Variants in MYO1D observed in about 807,000 individuals in gnomAD.
MYO1D encodes the protein myosin ID, also known as unconventional myosin-Id.
MYO1D carries 83 observed loss-of-function variants against 122.0 expected under a neutral mutation model. The observed-to-expected ratio is 0.68, with a 90% CI of 0.57 to 0.82. MYO1D has a LOEUF of 0.82. Ranked by LOEUF, MYO1D falls within the 40% of genes least tolerant of loss-of-function variation. MYO1D has a pLI of 0.00. For missense variants in MYO1D, 1,157 were observed against 1,269.5 expected (o/e 0.91, Z 1.35); for synonymous variants, 464 against 446.9 (o/e 1.04, Z -0.48).
At chr17:32,581,415 T>C (rs1480787212) in intron 21 of MYO1D, among the ~76,000 whole-genome samples, 2 of 152,094 alleles carry the variant, frequency 1.3e-5, no homozygotes, top group African/African-American at 2.4e-5. Context: ...ATTTCATTGG[T>C]TTCTGTTCTG....
At chr17:32,648,532 C>G (rs1205991303) in intron 19 of MYO1D, among the ~76,000 whole-genome samples, 3 of 152,148 alleles carry the variant, frequency 2.0e-5, no homozygotes, top group African/African-American at 7.2e-5. Flanking sequence ...GCCAGAAAGA[C>G]CAAGGCATGA....
At chr17:32,779,131 A>G (rs1055161925) in intron 2 of MYO1D, among the ~76,000 whole-genome samples, 6 of 152,176 alleles carry the variant, frequency 3.9e-5, no homozygotes, top group African/African-American at 1.4e-4. Context: ...AAAAGGAACC[A>G]ATTTTGAAGT....
intron 16 of MYO1D, among the ~76,000 whole-genome samples, chr17:32,681,270 T>C (rs1482362192): frequency 6.7e-6 from 1 of 150,374 alleles, no homozygotes; most frequent in African/African-American, 2.5e-5. Context: ...GCTCTGATTT[T>C]AGTTATTTCT....
At chr17:32,729,546 T>C (rs183885853) in intron 14 of MYO1D, among the ~76,000 whole-genome samples, 15 of 152,100 alleles carry the variant, frequency 9.9e-5, no homozygotes, top group African/African-American at 1.4e-4. Flanking sequence ...AGACAAAATA[T>C]GGGGAAAAGG....
At position 32,501,196 on chromosome 17, in the gene MYO1D, T is replaced by C. The variant is rs576935127; in HGVS notation, c.2865-6281A>G. On this transcript the variant is annotated intron_variant, in intron 21 of 21. Coordinates refer to ENST00000318217, the MANE Select transcript of MYO1D (RefSeq NM_015194.3). The stretch of plus-strand genomic sequence containing the variant: ...CAAAGGTAGCAACAGCCTTGTGATG[T>C]GATGATGGTGATGATGATGATGATA... Among the ~76,000 whole-genome samples, 65 of 152,198 alleles carry C rather than the reference T, an allele frequency of 4.3e-4. 1 individual carries two copies. Among genetic ancestry groups the C allele is most frequent in the African/African-American group, 1.5e-3 (63 of 41,508 alleles).
chr17:32,588,884 A>C (rs1302623572), intron 21 of MYO1D, among the ~76,000 whole-genome samples: 1 of 152,118 alleles, frequency 6.6e-6, no homozygotes, highest in Non-Finnish European at 1.5e-5. Flanking sequence ...TGGAGGGTGC[A>C]GTGAGCTGAG....
At chr17:32,495,009 C>T in intron 21 of MYO1D, 94 bp from the exon 22 acceptor site, 1 of 1,404,766 alleles carries the variant, frequency 7.1e-7, no homozygotes, top group South Asian at 1.4e-5. Flanking sequence ...GGCTCCGGCG[C>T]AGCCTGCTTC....
intron 1 of MYO1D, among the ~76,000 whole-genome samples, chr17:32,790,346 C>T (rs1240160457): frequency 6.6e-6 from 1 of 152,162 alleles, no homozygotes; most frequent in Non-Finnish European, 1.5e-5. Context: ...GTGCACTGGC[C>T]TTTATTCATC....
chr17:32,529,286 G>T (rs1421729216), intron 21 of MYO1D, among the ~76,000 whole-genome samples: 5 of 151,716 alleles, frequency 3.3e-5, no homozygotes, highest in Admixed American at 2.6e-4. Context: ...CAGGGTCTCA[G>T]AAGGCATCAC....
chr17:32,545,329 A>T (rs1478518672), intron 21 of MYO1D, among the ~76,000 whole-genome samples: 1 of 152,220 alleles, frequency 6.6e-6, no homozygotes, highest in East Asian at 1.9e-4. Flanking sequence ...GAGAAAACGT[A>T]TGTAAAGCAT....
chr17:32,698,363 TC>T (rs953932276), intron 16 of MYO1D, among the ~76,000 whole-genome samples: 1 of 67,632 alleles, frequency 1.5e-5, no homozygotes, highest in African/African-American at 5.6e-5. Flanking sequence ...TCTTCCCCCC[TC>T]CCCCTCCCCC....
intron 21 of MYO1D, among the ~76,000 whole-genome samples, chr17:32,580,512 C>A (rs1024789793): frequency 6.7e-6 from 1 of 149,522 alleles, no homozygotes; most frequent in Non-Finnish European, 1.5e-5. Flanking sequence ...CAGGTTCAAG[C>A]GATTCTCCTG....
intron 21 of MYO1D, among the ~76,000 whole-genome samples, chr17:32,555,839 G>C (rs1347780853): frequency 6.6e-6 from 1 of 152,152 alleles, no homozygotes; most frequent in Non-Finnish European, 1.5e-5. Flanking sequence ...TTCTGCCTCA[G>C]GGCCTTTGCA....
intron 3 of MYO1D, 129 bp from the exon 4 acceptor site, chr17:32,776,158 C>CA (rs574192656): frequency 0.021 from 11,826 of 575,264 alleles, 3 homozygotes; most frequent in South Asian, 0.028. Context: ...TTTGCAATAT[C>CA]AAAAAAAAAA....
intron 21 of MYO1D, among the ~76,000 whole-genome samples, chr17:32,590,942 G>A (rs2087433295): frequency 6.6e-6 from 1 of 152,180 alleles, no homozygotes; most frequent in African/African-American, 2.4e-5. Flanking sequence ...CGGAAATGAT[G>A]AAAAGATCAG....
At chr17:32,608,047 T>C (rs1441535286) in intron 20 of MYO1D, among the ~76,000 whole-genome samples, 3 of 152,122 alleles carry the variant, frequency 2.0e-5, no homozygotes, top group Non-Finnish European at 4.4e-5. Flanking sequence ...GGAGAAAACA[T>C]AGAAGAAAAT....
At chr17:32,551,487 A>G (rs2087014568) in intron 21 of MYO1D, among the ~76,000 whole-genome samples, 1 of 151,990 alleles carries the variant, frequency 6.6e-6, no homozygotes, top group Admixed American at 6.6e-5. Flanking sequence ...GTTTTTGGCA[A>G]ATATACATTG....
At chr17:32,540,743 T>G (rs1268834704) in intron 21 of MYO1D, among the ~76,000 whole-genome samples, 1 of 151,882 alleles carries the variant, frequency 6.6e-6, no homozygotes, top group East Asian at 1.9e-4. Context: ...CTGGACAACA[T>G]GGTGAAACCC....
At chr17:32,636,954 G>A (rs2088109327) in intron 20 of MYO1D, among the ~76,000 whole-genome samples, 1 of 152,148 alleles carries the variant, frequency 6.6e-6, no homozygotes, top group Admixed American at 6.5e-5. Context: ...GCAACGGGGT[G>A]TATCCATCCC....
Sources: gnomAD v4.1 joint callset for allele counts (sites outside exome capture counted in the v4.1 genomes callset) on GRCh38, gnomAD v4.1.1 for gene constraint, MANE v1.5 for transcripts, NCBI Gene and HGNC (gene_info 2026-07-23, HGNC 2026-07-21) for gene names.